Variants in FBXL2 observed in about 807,000 individuals in gnomAD.
FBXL2 encodes F-box and leucine rich repeat protein 2.
Under a neutral mutation model 69.2 loss-of-function variants are expected in FBXL2, and 38 were observed. The observed-to-expected ratio is 0.55, with a 90% confidence interval of 0.42 to 0.72. FBXL2 has a LOEUF of 0.72. Ranked by LOEUF, FBXL2 falls within the 30% of genes least tolerant of loss-of-function variation. The probability of loss-of-function intolerance (pLI) is 0.00; values close to 1 mark genes in which losing one functional copy is unlikely to be tolerated. For missense variants in FBXL2, 354 were observed against 520.3 expected (o/e 0.68, Z 3.11); for synonymous variants, 192 against 201.3 (o/e 0.95, Z 0.39).
chr3:33,277,075 A>C, upstream of FBXL2: 2 of 163,166 alleles, frequency 1.2e-5, no homozygotes, highest in Non-Finnish European at 1.3e-5. Flanking sequence ...GAATCTGAGC[A>C]GTAGCTACTT....
intron 1 of FBXL2, chr3:33,289,896 C>A: frequency 1.8e-6 from 1 of 541,584 alleles, no homozygotes; most frequent in Non-Finnish European, 2.4e-6. Context: ...GGGCGTGCAA[C>A]AGGCTGGGGG....
chr3:33,299,027 T>TTTTTTTTATTTATTTATTTATTTATTTA (rs139891956), intron 2 of FBXL2, among the ~76,000 whole-genome samples: 62 of 146,144 alleles, frequency 4.2e-4, no homozygotes, highest in African/African-American at 1.6e-3. Flanking sequence ...ATTTTTTTAA[T>TTTTTTTTATTTATTTATTTATTTATTTA]TTTATTTATT....
At chr3:33,297,798 C>A in intron 2 of FBXL2, 73 bp downstream of exon 2, 1 of 909,514 alleles carries the variant, frequency 1.1e-6, no homozygotes. Context: ...TATCTTCTTT[C>A]TCACTGTGAG....
chr3:33,396,254 T>G (rs2043989443), intron 12 of FBXL2: 2 of 1,586,588 alleles, frequency 1.3e-6, no homozygotes, highest in South Asian at 1.1e-5. Flanking sequence ...CCGGCAGACA[T>G]AGATGGTTAA....
At chr3:33,366,162 A>C (rs889741559) in intron 5 of FBXL2, among the ~76,000 whole-genome samples, 3 of 152,312 alleles carry the variant, frequency 2.0e-5, no homozygotes, top group Admixed American at 2.0e-4. Context: ...ACAACCCTCC[A>C]TCACTCATAT....
intron 2 of FBXL2, chr3:33,317,612 G>A (rs950027838): frequency 1.4e-5 from 6 of 435,788 alleles, no homozygotes; most frequent in Non-Finnish European, 2.8e-5. Flanking sequence ...CTAGCAGTAG[G>A]GGTATGTTTC....
intron 2 of FBXL2, among the ~76,000 whole-genome samples, chr3:33,324,693 T>A (rs113613213): frequency 0.014 from 2,203 of 152,316 alleles, 22 homozygotes; most frequent in South Asian, 0.037. Flanking sequence ...CCATGCTGTT[T>A]TGGTTACTGT....
At chr3:33,346,071 T>C (rs2040409640) in intron 2 of FBXL2, among the ~76,000 whole-genome samples, 1 of 151,880 alleles carries the variant, frequency 6.6e-6, no homozygotes, top group Non-Finnish European at 1.5e-5. Flanking sequence ...CTACTAAAAA[T>C]ACAAAATTAG....
At chr3:33,277,792 C>A (rs1027373413) in intron 1 of FBXL2, among the ~76,000 whole-genome samples, 3 of 151,960 alleles carry the variant, frequency 2.0e-5, no homozygotes, top group Non-Finnish European at 2.9e-5. Flanking sequence ...AGTGGGCCGC[C>A]GGACGACGTG....
chr3:33,281,847 T>G (rs1022920725), intron 1 of FBXL2, among the ~76,000 whole-genome samples: 3 of 152,214 alleles, frequency 2.0e-5, no homozygotes, highest in African/African-American at 4.8e-5. Context: ...TGTCTTCTTT[T>G]GAGAAGTGTC....
intron 2 of FBXL2, among the ~76,000 whole-genome samples, chr3:33,356,835 C>T (rs2041237832): frequency 6.6e-6 from 1 of 152,192 alleles, no homozygotes; most frequent in South Asian, 2.1e-4. Flanking sequence ...CTACTTGTGT[C>T]AGTCACTCTA....
chr3:33,301,068 A>G (rs757766606), intron 2 of FBXL2, among the ~76,000 whole-genome samples: 6 of 152,118 alleles, frequency 3.9e-5, no homozygotes, highest in Non-Finnish European at 5.9e-5. Flanking sequence ...CTAAGCATCC[A>G]TCTTCATCAT....
the FBXL2 span, chr3:33,409,190 T>A: frequency 6.3e-7 from 1 of 1,576,800 alleles, no homozygotes. Flanking sequence ...TAGACTAATA[T>A]GCAACCTTTG....
intron 2 of FBXL2, among the ~76,000 whole-genome samples, chr3:33,356,285 T>G (rs76451111): frequency 0.01 from 1,585 of 152,332 alleles, 11 homozygotes; most frequent in Non-Finnish European, 0.018. Context: ...TGGGGCAAGT[T>G]TGAGATTGCA....
At chr3:33,367,256 T>G (rs1379701961) in intron 5 of FBXL2, among the ~76,000 whole-genome samples, 1 of 152,132 alleles carries the variant, frequency 6.6e-6, no homozygotes, top group Non-Finnish European at 1.5e-5. Flanking sequence ...TAATTTTATA[T>G]TTTCAGTAGA....
intron 2 of FBXL2, among the ~76,000 whole-genome samples, chr3:33,357,368 C>T (rs1403225095): frequency 1.3e-5 from 2 of 152,102 alleles, no homozygotes; most frequent in Non-Finnish European, 2.9e-5. Flanking sequence ...ATGTGGCTAG[C>T]TGTGGGATGG....
At chr3:33,347,051 C>T (rs761666772) in intron 2 of FBXL2, among the ~76,000 whole-genome samples, 5 of 152,114 alleles carry the variant, frequency 3.3e-5, no homozygotes, top group Non-Finnish European at 7.4e-5. Context: ...AATACTAGGT[C>T]TTATTCGTTC....
At chr3:33,400,230 T>C in intron 12 of FBXL2, 1 of 1,603,572 alleles carries the variant, frequency 6.2e-7, no homozygotes, top group Non-Finnish European at 8.5e-7. Flanking sequence ...AGAGAATCTG[T>C]TTTTGAGCAG....
intron 1 of FBXL2, 68 bp downstream of exon 1, chr3:33,277,583 C>T: frequency 8.0e-7 from 1 of 1,246,526 alleles, no homozygotes; most frequent in Non-Finnish European, 1.0e-6. Flanking sequence ...CCGCACGCCG[C>T]CGCCCGCTAG....
Sources: gnomAD v4.1 joint callset for allele counts (sites outside exome capture counted in the v4.1 genomes callset) on GRCh38, gnomAD v4.1.1 for gene constraint, MANE v1.5 for transcripts, NCBI Gene and HGNC (gene_info 2026-07-23, HGNC 2026-07-21) for gene names.